TF: variants seen among roughly 807,000 people sequenced by gnomAD.
The protein encoded by TF is transferrin, also known as serotransferrin.
Under a neutral mutation model 82.4 loss-of-function variants are expected in TF, and 55 were observed. The observed-to-expected ratio is 0.67, with a 90% CI of 0.54 to 0.84. The LOEUF (loss-of-function observed/expected upper bound fraction) is 0.84. TF is among the 40% of genes least tolerant of loss of function. The pLI is 0.00. For synonymous variants in TF, 332 were observed against 332.6 expected (o/e 1.00, Z 0.02); for missense variants, 737 against 868.4 (o/e 0.85, Z 1.90).
intron 13 of TF, among the ~76,000 whole-genome samples, chr3:133,769,440 T>C (rs1934206105): frequency 6.6e-6 from 1 of 152,216 alleles, no homozygotes; most frequent in Non-Finnish European, 1.5e-5. Context: ...AAGGCTCAAA[T>C]AACATGTATG....
At chr3:133,722,516 T>A in the TF span, among the ~76,000 whole-genome samples, 1 of 152,174 alleles carries the variant, frequency 6.6e-6, no homozygotes, top group Non-Finnish European at 1.5e-5. Context: ...TGTTTACTTC[T>A]GTGGTTTGGT....
chr3:133,695,175 C>A, the TF span, among the ~76,000 whole-genome samples: 3 of 151,796 alleles, frequency 2.0e-5, no homozygotes, highest in Admixed American at 6.6e-5. Context: ...GAGGCCTGTG[C>A]CTGACTGTGG....
At chr3:133,728,677 C>T in the TF span, among the ~76,000 whole-genome samples, 21 of 152,350 alleles carry the variant, frequency 1.4e-4, no homozygotes, top group African/African-American at 4.8e-4. Context: ...TTCCATCCAG[C>T]TTTGTTCCGT....
At chr3:133,697,501 C>T in the TF span, among the ~76,000 whole-genome samples, 8 of 152,292 alleles carry the variant, frequency 5.3e-5, no homozygotes, top group South Asian at 6.2e-4. Flanking sequence ...TTTATGGAAA[C>T]GACAGATTGT....
chr3:133,757,139 A>C, intron 7 of TF, 130 bp downstream of exon 7: 1 of 1,251,718 alleles, frequency 8.0e-7, no homozygotes, highest in South Asian at 1.3e-5. Flanking sequence ...GCCACATGTC[A>C]CTAAGTTCTC....
chr3:133,761,101 T>G (rs1933980219), intron 9 of TF: 1 of 161,214 alleles, frequency 6.2e-6, no homozygotes, highest in African/African-American at 2.4e-5. Context: ...GATCCCAAAG[T>G]GACCAGTGCC....
the TF span, among the ~76,000 whole-genome samples, chr3:133,687,556 C>T: frequency 1.3e-5 from 2 of 152,178 alleles, no homozygotes; most frequent in Non-Finnish European, 2.9e-5. Context: ...AAGAAAACCA[C>T]ATACCCATTA....
At chr3:133,688,198 G>C in the TF span, 14 of 154,600 alleles carry the variant, frequency 9.1e-5, no homozygotes, top group African/African-American at 3.4e-4. Flanking sequence ...CTAGGGCTGT[G>C]CCTGGCTGCT....
At position 133,784,007 on chromosome 3, in the gene TF, G is replaced by A. The variant is rs1934580437; in HGVS notation, c.*5387G>A. ...GCGGGTGCAGAGGGCCAGGAAAGCT[G>A]GTCTGCGCGCGGCTCAGCTGCCTCC... On this transcript the variant is annotated 3_prime_UTR_variant, in exon 17 of 17. Transcript: ENST00000402696. The A allele has an allele frequency of 1.3e-5, 2 of 152,518 alleles. No homozygotes were observed. The highest frequency in any genetic ancestry group is 1.3e-4 in the Admixed American group (2 of 15,296). 9.4% of individuals were successfully genotyped at this position (152,518 alleles called of 1,614,324 possible).
Position 133,786,689 on chromosome 3 carries a change from T to C in TF, c.*8069T>C, listed in dbSNP as rs918336778. On this transcript the variant is annotated 3_prime_UTR_variant, in exon 17 of 17. Transcript: ENST00000402696. ...CCAGGAAAGACAGTCTTCTGAAAAT[T>C]TGAGCATTATTGCCCAGTGGGTTGA... 2.0e-5 allele frequency: 3 copies of C among 152,204 alleles called. No individual in the cohort carries two copies. Among genetic ancestry groups the C allele is most frequent in the Admixed American group, 6.5e-5 (1 of 15,280 alleles). The allele number at this position is 152,204 out of a possible 1,614,324, so 9.4% of individuals were successfully genotyped here. A position where few individuals can be genotyped will look rare whatever the true frequency, so the allele number is the denominator to read the frequency against.
the TF span, chr3:133,700,089 G>C: frequency 6.4e-6 from 1 of 155,704 alleles, no homozygotes. Flanking sequence ...AGGCACACGA[G>C]TATGGATTCT....
chr3:133,775,386 C>A (rs1934360681), intron 14 of TF, 47 bp from the exon 15 acceptor site: 2 of 1,604,022 alleles, frequency 1.2e-6, no homozygotes. Flanking sequence ...CCCAGCGGGG[C>A]ACCTTGACCA....
the TF span, among the ~76,000 whole-genome samples, chr3:133,705,354 G>A: frequency 1.3e-5 from 2 of 152,142 alleles, no homozygotes; most frequent in African/African-American, 4.8e-5. Context: ...CCCTGGACTG[G>A]GTTCTTTCCC....
At chr3:133,753,754 G>A (rs775691376) in intron 3 of TF, 51 bp downstream of exon 3, 3 of 1,426,858 alleles carry the variant, frequency 2.1e-6, no homozygotes, top group African/African-American at 2.8e-5. Context: ...TATTCTATAT[G>A]CTGAGTGCTG....
At chr3:133,776,150 C>T (rs958632085) in intron 15 of TF, among the ~76,000 whole-genome samples, 1 of 152,192 alleles carries the variant, frequency 6.6e-6, no homozygotes, top group East Asian at 1.9e-4. Flanking sequence ...CCTGTCCTTC[C>T]CGAAAATGAA....
upstream of TF, among the ~76,000 whole-genome samples, chr3:133,744,549 G>A (rs1202291022): frequency 6.6e-6 from 1 of 152,194 alleles, no homozygotes; most frequent in African/African-American, 2.4e-5. Flanking sequence ...TGCTGCAGGG[G>A]CAGTAGGAAT....
chr3:133,744,411 G>A (rs192419236), upstream of TF, among the ~76,000 whole-genome samples: 99 of 152,326 alleles, frequency 6.5e-4, 1 homozygote, highest in East Asian at 9.5e-3. Flanking sequence ...GCCTGTCCAT[G>A]CATCAGCTGT....
At chr3:133,669,148 C>T in the TF span, among the ~76,000 whole-genome samples, 1 of 152,044 alleles carries the variant, frequency 6.6e-6, no homozygotes, top group Admixed American at 6.6e-5. Flanking sequence ...TTACAGGTGC[C>T]TGCGACCACA....
the TF span, among the ~76,000 whole-genome samples, chr3:133,728,891 A>C: frequency 6.6e-6 from 1 of 152,210 alleles, no homozygotes; most frequent in Non-Finnish European, 1.5e-5. Context: ...CCTCAGCTGC[A>C]GGACTGTTTG....
Sources: allele counts gnomAD v4.1 joint callset (sites outside exome capture counted in the v4.1 genomes callset), GRCh38; gene constraint gnomAD v4.1.1; transcripts MANE v1.5; gene names NCBI Gene and HGNC (gene_info 2026-07-23, HGNC 2026-07-21).